The following MAST3 variants were observed in gnomAD, a reference collection of about 807,000 sequenced individuals.
The protein encoded by MAST3 is microtubule-associated serine/threonine-protein kinase 3.
Under a neutral mutation model 127.0 loss-of-function variants are expected in MAST3, and 43 were observed. The observed-to-expected ratio is 0.34, with a 90% CI of 0.27 to 0.44. The LOEUF (loss-of-function observed/expected upper bound fraction) is 0.44, where lower values mean the gene tolerates loss of function less well. MAST3 is among the 20% of genes least tolerant of loss of function. MAST3 has a pLI of 1.00. For synonymous variants in MAST3, 785 were observed against 809.2 expected, an observed-to-expected ratio of 0.97 and a Z score of 0.51; for missense variants, 1,390 against 1,919.1, an observed-to-expected ratio of 0.72 and a Z score of 5.15.
intron 3 of MAST3, among the ~76,000 whole-genome samples, chr19:18,115,259 G>T (rs561830019): frequency 6.6e-6 from 1 of 152,258 alleles, no homozygotes; most frequent in African/African-American, 2.4e-5. Flanking sequence ...GTCAGCTGCA[G>T]CCCTGTTTTG....
rs1407649689 is a variant in MAST3 at position 18,149,797 on chromosome 19, T to C, written c.*71T>C. Reference sequence around the variant, plus strand: ...GTGCAATGTTTTTTCCGTAAAGTCATGCCTGGATGGGGACTGAGCCACCAG... The same window carrying C: ...GTGCAATGTTTTTTCCGTAAAGTCACGCCTGGATGGGGACTGAGCCACCAG... On this transcript the variant is annotated 3_prime_UTR_variant, in exon 28 of 28. Coordinates refer to ENST00000687212, the MANE Select transcript of MAST3 (RefSeq NM_001393504.1). This position sits in a 1 kb window ranked among gnomAD's most constrained non-coding sequence, Gnocchi z 5.9. 3.1e-6 allele frequency: 5 copies of C among 1,587,362 alleles called. No individual in the cohort carries two copies. The highest frequency in any genetic ancestry group is 1.7e-5 in the Admixed American group (1 of 57,458).
Position 18,112,804 on chromosome 19 carries a change from G to T in MAST3, c.161+2063G>T, listed in dbSNP as rs529258155. On this transcript the variant is annotated intron_variant, in intron 3 of 27. Coordinates refer to ENST00000687212, the MANE Select transcript of MAST3 (RefSeq NM_001393504.1). The surrounding 1 kb of genome is among the most constrained non-coding windows in gnomAD (Gnocchi z 4.1). ...TTTTTAAGCCTCTGTGTCTGCCTTG[G>T]GGGGAGAAAGTTCTGCTGGGGCCAG... 9.9e-5 allele frequency among the ~76,000 whole-genome samples: 15 copies of T among 152,078 alleles called. No homozygotes were observed. The highest frequency in any genetic ancestry group is 2.1e-4 in the South Asian group (1 of 4,826).
Position 18,144,130 on chromosome 19 carries a change from A to T in MAST3, c.2584+123A>T. The T allele has an allele frequency of 7.3e-7, 1 of 1,360,774 alleles. No homozygotes were observed. Among genetic ancestry groups the T allele is most frequent in the Middle Eastern group, 1.9e-4 (1 of 5,342 alleles). The allele number at this position is 1,360,774 out of a possible 1,614,324, so 84.3% of individuals were successfully genotyped here. A position where few individuals can be genotyped will look rare whatever the true frequency, so the allele number is the denominator to read the frequency against. On this transcript the variant is annotated intron_variant, in intron 22 of 27. Transcript: ENST00000687212. The surrounding 1 kb of genome is among the most constrained non-coding windows in gnomAD (Gnocchi z 4.0). ...GAGCCAACAAAGGCTTTAAGAGAGG[A>T]GAAGCCAGGGTCCCAGAGAGACCCC...
At chr19:18,131,859 G>A (rs3826967) in intron 14 of MAST3, 50 bp from the exon 15 acceptor site, 21 of 1,495,772 alleles carry the variant, frequency 1.4e-5, no homozygotes, top group East Asian at 2.5e-5. Context: ...AGGGGCGGGC[G>A]GGGGGCGGGG....
chr19:18,107,289 T>C (rs1340533407), intron 1 of MAST3, among the ~76,000 whole-genome samples: 1 of 151,934 alleles, frequency 6.6e-6, no homozygotes, highest in Non-Finnish European at 1.5e-5. Flanking sequence ...GCAGGTATGG[T>C]AGGAGCCGGG....
intron 12 of MAST3, 24 bp downstream of exon 12, chr19:18,128,482 C>G: frequency 4.5e-6 from 7 of 1,550,008 alleles, no homozygotes; most frequent in South Asian, 1.2e-5. Context: ...GCTGGGGGAC[C>G]CCCGCTCATC....
At position 18,110,106 on chromosome 19, in the gene MAST3, G is replaced by C. The variant is rs1053895241; in HGVS notation, c.72-546G>C. 1.0e-6 allele frequency: 1 copy of C among 985,224 alleles called. No individual in the cohort carries two copies. The highest frequency in any genetic ancestry group is 1.7e-5 in the African/African-American group (1 of 57,226). The allele number at this position is 985,224 out of a possible 1,614,324, so 61.0% of individuals were successfully genotyped here. On this transcript the variant is annotated intron_variant, in intron 2 of 27. Transcript: ENST00000687212. The surrounding 1 kb of genome is among the most constrained non-coding windows in gnomAD (Gnocchi z 4.3). ...CGACCCTCGCTGCCGGGCCGGGCCT[G>C]CGCGCAGGTGCGGAGCTGCGATCCC...
Position 18,144,495 on chromosome 19 carries a change from C to A in MAST3, c.2614C>A (p.Leu872Ile). Reference protein sequence around the residue: ...ADTAALSHARLRSNSIGARHS... With the variant: ...ADTAALSHARIRSNSIGARHS... ...CACAGCTGCTCTCAGCCACGCCCGC[C>A]TACGGAGCAATAGCATCGGCGCCCG... The change falls in exon 23 of 28, where the codon CTA becomes ATA. Residue 872 changes from leucine (L) to isoleucine (I), a missense_variant. Coordinates refer to ENST00000687212, the MANE Select transcript of MAST3 (RefSeq NM_001393504.1). The surrounding 1 kb of genome is among the most constrained non-coding windows in gnomAD (Gnocchi z 4.0). 1 of 1,597,370 alleles carries A rather than the reference C, an allele frequency of 6.3e-7. No homozygotes were observed. Among genetic ancestry groups the A allele is most frequent in the Non-Finnish European group, 8.5e-7 (1 of 1,173,924 alleles).
intron 7 of MAST3, 22 bp downstream of exon 7, chr19:18,123,396 C>G: frequency 6.3e-7 from 1 of 1,596,950 alleles, no homozygotes. Context: ...CCTCTGGCCC[C>G]AGCCCCGGCC....
rs1422453271 is a variant in MAST3, at chr19:18,146,950, A to T, written c.3232A>T (p.Lys1078Ter). 2 of 1,561,654 alleles carry T rather than the reference A, an allele frequency of 1.3e-6. No individual in the cohort carries two copies. The highest frequency in any genetic ancestry group is 1.7e-6 in the Non-Finnish European group (2 of 1,152,926). ...NTSIKVGPAR[K>*]NVAKGRMARR... ...CTCCATCAAGGTGGGCCCCGCCCGG[A>T]AGAATGTGGCCAAGGGCCGCATGGC... The change falls in exon 26 of 28, where the codon AAG (lysine) becomes TAG (stop). Residue 1078 changes from lysine to a stop codon, truncating the protein, a stop_gained. Transcript: ENST00000687212. LOFTEE classifies it high-confidence loss of function.
At chr19:18,117,544 A>G (rs991444864) in intron 3 of MAST3, among the ~76,000 whole-genome samples, 1 of 152,176 alleles carries the variant, frequency 6.6e-6, no homozygotes, top group African/African-American at 2.4e-5. Context: ...ATAGCCGGAC[A>G]GACAGGAAAG....
intron 1 of MAST3, among the ~76,000 whole-genome samples, chr19:18,107,112 G>A (rs572462446): frequency 1.3e-5 from 2 of 150,936 alleles, no homozygotes; most frequent in South Asian, 2.1e-4. Context: ...CACCGCACCC[G>A]GCCTACTCTG....
rs148381701 is a variant in MAST3, at chr19:18,107,663, T to G, written c.71+45T>G. The G allele has an allele frequency of 8.6e-3, 13,602 of 1,578,496 alleles. 96 individuals carry two copies. The highest frequency in any genetic ancestry group is 0.011 in the Non-Finnish European group (12,166 of 1,156,302). Reference sequence around the variant, plus strand: ...GCGGGCTGGGTGGGCCCCAGTGGTCTTGGAAGTGGATATTTCAGCAACAGC... The same window carrying G: ...GCGGGCTGGGTGGGCCCCAGTGGTCGTGGAAGTGGATATTTCAGCAACAGC... On this transcript the variant is annotated intron_variant, in intron 2 of 27. Coordinates refer to ENST00000687212, the MANE Select transcript of MAST3 (RefSeq NM_001393504.1).
At position 18,145,812 on chromosome 19, in the gene MAST3, G is replaced by T; in HGVS notation, c.3109G>T (p.Gly1037Trp). ...TGGGGACCTCATCACCCACATCAACGGGGAGTCAGTGCTGGGGCTGGTGCA... is the reference window on the plus strand; with the variant it reads ...TGGGGACCTCATCACCCACATCAACTGGGAGTCAGTGCTGGGGCTGGTGCA... ...RAGDLITHIN[G>W]ESVLGLVHMD... Residue 1037 changes from glycine (G) to tryptophan (W), a missense_variant, in exon 25 of 28, where the codon GGG becomes TGG. Coordinates refer to ENST00000687212, the MANE Select transcript of MAST3 (RefSeq NM_001393504.1). This position sits in a 1 kb window ranked among gnomAD's most constrained non-coding sequence, Gnocchi z 5.9. 6.3e-7 allele frequency: 1 copy of T among 1,593,354 alleles called. No individual in the cohort carries two copies.
chr19:18,123,392 GC>G lies in MAST3; in HGVS notation c.557+22del. On this transcript the variant is annotated intron_variant, in intron 7 of 27. Coordinates refer to ENST00000687212, the MANE Select transcript of MAST3 (RefSeq NM_001393504.1). ...AGTCTCAGGTGGGCCGCGACCTCTGGCCCCAGCCCCGGCCCCTCCCTGGGCT... is the reference window on the plus strand; with the variant it reads ...AGTCTCAGGTGGGCCGCGACCTCTGGCCCAGCCCCGGCCCCTCCCTGGGCT... The G allele has an allele frequency of 6.2e-7, 1 of 1,600,980 alleles. No homozygotes were observed. The highest frequency in any genetic ancestry group is 8.5e-7 in the Non-Finnish European group (1 of 1,174,348).
chr19:18,129,644 G>A (rs1044827939), intron 13 of MAST3, among the ~76,000 whole-genome samples: 3 of 152,164 alleles, frequency 2.0e-5, no homozygotes, highest in East Asian at 1.9e-4. Flanking sequence ...TGGTGCTAGC[G>A]GTCTTTTAAA....
At chr19:18,123,860 C>A in intron 8 of MAST3, 79 bp from the exon 9 acceptor site, 1 of 1,362,132 alleles carries the variant, frequency 7.3e-7, no homozygotes. Flanking sequence ...TCTCCCCAAC[C>A]ATGCCTCTCC....
intron 8 of MAST3, 138 bp from the exon 9 acceptor site, chr19:18,123,801 C>G: frequency 9.4e-7 from 1 of 1,062,186 alleles, no homozygotes; most frequent in Non-Finnish European, 1.3e-6. Flanking sequence ...AGATGTCGTT[C>G]CTCCTGCACC....
At chr19:18,130,461 C>T (rs2041157272) in intron 13 of MAST3, 33 bp from the exon 14 acceptor site, 6 of 1,556,656 alleles carry the variant, frequency 3.9e-6, no homozygotes, top group Non-Finnish European at 5.2e-6. Flanking sequence ...GCCTCGATCT[C>T]CGGTCCCAGC....
Sources: allele counts gnomAD v4.1 joint callset (sites outside exome capture counted in the v4.1 genomes callset), GRCh38; gene constraint gnomAD v4.1.1; non-coding constraint Gnocchi (gnomAD v3.1); transcripts MANE v1.5; gene names NCBI Gene and HGNC (gene_info 2026-07-23, HGNC 2026-07-21).